The following NELL1 variants were observed in gnomAD, a reference collection of about 807,000 sequenced individuals.
NELL1 encodes neural EGFL like 1, also known as protein kinase C-binding protein NELL1.
A neutral mutation model predicts 107.4 loss-of-function variants in NELL1; 76 were observed. The observed-to-expected ratio is 0.71, with a 90% CI of 0.59 to 0.86. The LOEUF (loss-of-function observed/expected upper bound fraction) is 0.86, where lower values mean the gene tolerates loss of function less well. Ranked by LOEUF, NELL1 falls within the 40% of genes least tolerant of loss-of-function variation. The pLI is 0.00. For missense variants in NELL1, 1,024 were observed against 1,005.5 expected, an observed-to-expected ratio of 1.02 and a Z score of -0.25; for synonymous variants, 353 against 341.2, an observed-to-expected ratio of 1.03 and a Z score of -0.38.
Position 21,573,394 on chromosome 11 carries a change from A to C in NELL1, c.2367A>C (p.Thr789=), listed in dbSNP as rs1280018260. The change falls in exon 19 of 20, where the codon ACA becomes ACC. Residue 789 remains threonine, a synonymous_variant. Transcript: ENST00000357134. ...GGACGATGGCTGGATCTCCCTGCAC[A>C]ACCTGTAAATGCAAGGTAATTGGAT... The part of the protein sequence containing the change: ...SVWTMAGSPC[T]TCKCKNGRVC... 6.2e-7 allele frequency: 1 copy of C among 1,611,720 alleles called. No individual in the cohort carries two copies.
At chr11:21,310,241 T>C (rs1329482486) in intron 14 of NELL1, among the ~76,000 whole-genome samples, 1 of 152,118 alleles carries the variant, frequency 6.6e-6, no homozygotes, top group African/African-American at 2.4e-5. Flanking sequence ...CTGAAACATG[T>C]GTGCTTTCTT....
At position 20,981,503 on chromosome 11, in the gene NELL1, C is replaced by T. The variant is rs146618794; in HGVS notation, c.1300+20943C>T. On this transcript the variant is annotated intron_variant, in intron 12 of 19. Transcript: ENST00000357134. ...GTAGGATATGAAGTGATGTAAAGTT[C>T]CTACTTTAACTATGATTATTAACAG... is the stretch of plus-strand genomic sequence containing the variant. Among the ~76,000 whole-genome samples, 380 of 152,192 alleles carry T rather than the reference C, an allele frequency of 2.5e-3. 7 individuals carry two copies. The highest frequency in any genetic ancestry group is 0.02 in the Admixed American group (299 of 15,272).
At chr11:20,801,224 A>G (rs1055455295) in intron 3 of NELL1, among the ~76,000 whole-genome samples, 2 of 152,188 alleles carry the variant, frequency 1.3e-5, no homozygotes, top group African/African-American at 4.8e-5. Context: ...AGGGACTTAA[A>G]AGGTAGCTTG....
chr11:21,318,065 A>G (rs1849920445), intron 14 of NELL1, among the ~76,000 whole-genome samples: 1 of 152,146 alleles, frequency 6.6e-6, no homozygotes, highest in Admixed American at 6.6e-5. Flanking sequence ...TGGAAGATTT[A>G]TGGTGGTATA....
chr11:21,501,565 G>C (rs964646848), intron 15 of NELL1, among the ~76,000 whole-genome samples: 3 of 152,132 alleles, frequency 2.0e-5, no homozygotes, highest in Non-Finnish European at 4.4e-5. Context: ...CAATGAACTG[G>C]ACAAAGAAAT....
intron 12 of NELL1, among the ~76,000 whole-genome samples, chr11:21,017,944 A>C (rs1852607641): frequency 6.6e-6 from 1 of 152,032 alleles, no homozygotes; most frequent in Non-Finnish European, 1.5e-5. Context: ...ACTGAACTTC[A>C]AAAGGAACCC....
At chr11:21,273,059 CTT>C (rs1271788635) in intron 14 of NELL1, among the ~76,000 whole-genome samples, 1 of 152,190 alleles carries the variant, frequency 6.6e-6, no homozygotes, top group Non-Finnish European at 1.5e-5. Flanking sequence ...CGGAGAATGA[CTT>C]TGACGAGTTG....
At chr11:21,097,275 T>A (rs549538713) in intron 12 of NELL1, among the ~76,000 whole-genome samples, 1 of 152,294 alleles carries the variant, frequency 6.6e-6, no homozygotes, top group Non-Finnish European at 1.5e-5. Context: ...GCTCCAGGAA[T>A]AAATGCTTGG....
intron 15 of NELL1, among the ~76,000 whole-genome samples, chr11:21,385,342 G>C (rs935954244): frequency 1.3e-5 from 2 of 151,866 alleles, no homozygotes; most frequent in African/African-American, 2.4e-5. Context: ...AGCTCTTTTA[G>C]TTTCGTATTA....
chr11:21,329,955 T>C (rs1565171223), intron 14 of NELL1, among the ~76,000 whole-genome samples: 2 of 152,150 alleles, frequency 1.3e-5, no homozygotes, highest in East Asian at 3.8e-4. Context: ...TATTTCTATA[T>C]ATAGCTTAAT....
At chr11:20,810,684 G>T (rs1263620408) in intron 3 of NELL1, among the ~76,000 whole-genome samples, 2 of 152,110 alleles carry the variant, frequency 1.3e-5, no homozygotes, top group African/African-American at 4.8e-5. Context: ...ACATGCATGT[G>T]CAAGTTTCTT....
At chr11:20,887,020 G>T (rs1262976578) in intron 5 of NELL1, among the ~76,000 whole-genome samples, 1 of 151,920 alleles carries the variant, frequency 6.6e-6, no homozygotes, top group Non-Finnish European at 1.5e-5. Context: ...CTCCTCACCC[G>T]AAGCCTTTAG....
chr11:20,671,006 C>G (rs1853892077), intron 1 of NELL1: 1 of 152,310 alleles, frequency 6.6e-6, no homozygotes, highest in South Asian at 2.1e-4. Flanking sequence ...GAAGATCTAG[C>G]GTCTAGGAGC....
intron 2 of NELL1, among the ~76,000 whole-genome samples, chr11:20,780,054 T>A (rs180967379): frequency 5.9e-5 from 9 of 152,294 alleles, no homozygotes; most frequent in Admixed American, 5.9e-4. Context: ...TCTCTGAGAG[T>A]GAGAATGCAC....
intron 14 of NELL1, among the ~76,000 whole-genome samples, chr11:21,314,398 T>G (rs540798167): frequency 3.3e-5 from 5 of 152,290 alleles, no homozygotes; most frequent in African/African-American, 1.2e-4. Context: ...TTGCTCTTCA[T>G]CTGTGAAATG....
At chr11:21,133,260 G>T (rs1052815083) in intron 13 of NELL1, among the ~76,000 whole-genome samples, 1 of 152,244 alleles carries the variant, frequency 6.6e-6, no homozygotes, top group Admixed American at 6.5e-5. Flanking sequence ...AATTTTTATA[G>T]GCTCCAGAAG....
intron 15 of NELL1, among the ~76,000 whole-genome samples, chr11:21,446,345 C>A (rs979646094): frequency 3.3e-5 from 5 of 152,046 alleles, no homozygotes; most frequent in Middle Eastern, 3.4e-3. Flanking sequence ...TTCCCTGGTG[C>A]CTTATTCAGT....
intron 2 of NELL1, among the ~76,000 whole-genome samples, chr11:20,715,512 C>T (rs950593329): frequency 1.3e-5 from 2 of 152,168 alleles, no homozygotes; most frequent in Non-Finnish European, 2.9e-5. Context: ...CCTGTGGAGC[C>T]TGTGGCTTAG....
intron 15 of NELL1, among the ~76,000 whole-genome samples, chr11:21,469,248 TG>T (rs1168804411): frequency 6.6e-6 from 1 of 152,032 alleles, no homozygotes; most frequent in Non-Finnish European, 1.5e-5. Context: ...CCAAATCCCT[TG>T]CAATCACAAG....
Sources: gnomAD v4.1 joint callset for allele counts (sites outside exome capture counted in the v4.1 genomes callset) on GRCh38, gnomAD v4.1.1 for gene constraint, MANE v1.5 for transcripts, NCBI Gene and HGNC (gene_info 2026-07-23, HGNC 2026-07-21) for gene names.